The following MTUS2 variants were observed in gnomAD, a reference collection of about 807,000 sequenced individuals.
The protein encoded by MTUS2 is microtubule-associated tumor suppressor candidate 2.
In MTUS2, 40 loss-of-function variants were observed where a neutral mutation model predicts 114.1. The observed-to-expected ratio is 0.35, with a 90% CI of 0.27 to 0.46. The LOEUF (loss-of-function observed/expected upper bound fraction) is 0.46, where lower values mean the gene tolerates loss of function less well. Among genes scored for constraint, MTUS2 ranks in the 20% least tolerant of loss-of-function variants. The pLI is 1.00. For synonymous variants in MTUS2, 688 were observed against 672.0 expected (o/e 1.02, Z -0.37); for missense variants, 1,679 against 1,705.4 (o/e 0.98, Z 0.27).
chr13:29,469,003 T>C (rs1880079888), intron 9 of MTUS2, among the ~76,000 whole-genome samples: 1 of 152,164 alleles, frequency 6.6e-6, no homozygotes, highest in South Asian at 2.1e-4. Context: ...GTGGATGTAA[T>C]AGATACCCCT....
intron 11 of MTUS2, among the ~76,000 whole-genome samples, 195 bp from the exon 12 acceptor site, chr13:29,492,451 T>A (rs990265753): frequency 6.6e-6 from 1 of 152,026 alleles, no homozygotes; most frequent in Non-Finnish European, 1.5e-5. Flanking sequence ...GTCCCTTCTT[T>A]CTTTCTCTCT....
intron 5 of MTUS2, among the ~76,000 whole-genome samples, chr13:29,260,014 T>A (rs1471005452): frequency 6.6e-6 from 1 of 152,280 alleles, no homozygotes; most frequent in Non-Finnish European, 1.5e-5. Flanking sequence ...GACCACACTC[T>A]GCTTTCATCA....
chr13:28,980,844 G>A (rs1884326906), intron 2 of MTUS2, among the ~76,000 whole-genome samples: 3 of 152,188 alleles, frequency 2.0e-5, no homozygotes, highest in African/African-American at 7.2e-5. Context: ...CTATTTTCCT[G>A]TGGCAAGCAT....
At chr13:29,035,178 A>C (rs1368975200) in intron 4 of MTUS2, among the ~76,000 whole-genome samples, 1 of 151,902 alleles carries the variant, frequency 6.6e-6, no homozygotes, top group Admixed American at 6.6e-5. Context: ...CCTCCATCCT[A>C]CTCCTTCAGG....
At chr13:29,472,985 A>G (rs188563405) in intron 9 of MTUS2, among the ~76,000 whole-genome samples, 143 of 152,262 alleles carry the variant, frequency 9.4e-4, no homozygotes, top group African/African-American at 3.1e-3. Flanking sequence ...TGTCTTTTCA[A>G]TTACTCCCAA....
At chr13:28,996,427 A>T (rs1372480335) in intron 2 of MTUS2, among the ~76,000 whole-genome samples, 1 of 152,172 alleles carries the variant, frequency 6.6e-6, no homozygotes, top group Non-Finnish European at 1.5e-5. Context: ...TGAGTTAGGG[A>T]GGATTCCCTC....
At chr13:28,905,230 A>G (rs1266599099) in intron 2 of MTUS2, among the ~76,000 whole-genome samples, 3 of 151,474 alleles carry the variant, frequency 2.0e-5, no homozygotes, top group East Asian at 1.9e-4. Flanking sequence ...TCTTTTCCTA[A>G]TTGAATGCCC....
At chr13:28,909,121 C>A (rs570997768) in intron 2 of MTUS2, among the ~76,000 whole-genome samples, 1 of 151,278 alleles carries the variant, frequency 6.6e-6, no homozygotes, top group East Asian at 1.9e-4. Context: ...AGTCAGGTAG[C>A]GTGATGCCTC....
intron 5 of MTUS2, among the ~76,000 whole-genome samples, chr13:29,172,084 G>A (rs1034526139): frequency 2.0e-5 from 3 of 152,302 alleles, no homozygotes; most frequent in Admixed American, 6.5e-5. Context: ...AGCTGTCTCC[G>A]CTGTGAAGCT....
chr13:29,274,273 G>A (rs1362626485), intron 5 of MTUS2, among the ~76,000 whole-genome samples: 7 of 151,976 alleles, frequency 4.6e-5, no homozygotes, highest in Non-Finnish European at 8.8e-5. Flanking sequence ...GCCACAACTG[G>A]CTAATTTTTT....
At chr13:28,932,496 A>AAGAGG (rs943506853) in intron 2 of MTUS2, among the ~76,000 whole-genome samples, 68 of 152,274 alleles carry the variant, frequency 4.5e-4, no homozygotes, top group African/African-American at 1.6e-3. Flanking sequence ...AATGTGATGT[A>AAGAGG]AGAGGAGGCT....
intron 5 of MTUS2, among the ~76,000 whole-genome samples, chr13:29,150,391 A>G (rs1426683595): frequency 1.3e-5 from 2 of 152,012 alleles, no homozygotes; most frequent in Non-Finnish European, 2.9e-5. Flanking sequence ...TTACCTTTTA[A>G]TGAAGTTATT....
intron 5 of MTUS2, among the ~76,000 whole-genome samples, chr13:29,231,645 TC>T (rs1483613163): frequency 6.6e-6 from 1 of 152,218 alleles, no homozygotes; most frequent in African/African-American, 2.4e-5. Context: ...CTAAAAGGCT[TC>T]ATGTTCAGCA....
At chr13:29,046,489 T>G (rs1412468645) in intron 4 of MTUS2, among the ~76,000 whole-genome samples, 2 of 152,234 alleles carry the variant, frequency 1.3e-5, no homozygotes, top group Non-Finnish European at 2.9e-5. Flanking sequence ...TGATTACTCC[T>G]TTCTTTCTGA....
chr13:29,101,212 C>T (rs991435427), intron 5 of MTUS2, among the ~76,000 whole-genome samples: 2 of 151,802 alleles, frequency 1.3e-5, no homozygotes, highest in African/African-American at 2.4e-5. Flanking sequence ...AATGACTTAT[C>T]CAGAGACAGA....
rs139690610 is a variant in MTUS2, at chr13:28,822,175, G to C, written c.-316+1564G>C. ...AGAAAGAAACCTGGCCTCTGAGTCA[G>C]TGTTTTCTGTCTCCCTTATGTAATC... On this transcript the variant is annotated intron_variant, in intron 1 of 15. Coordinates refer to ENST00000612955, the MANE Select transcript of MTUS2 (RefSeq NM_001033602.4). Among the ~76,000 whole-genome samples the C allele has an allele frequency of 2.2e-3, 334 of 152,304 alleles. 2 individuals carry two copies. The highest frequency in any genetic ancestry group is 7.8e-3 in the African/African-American group (326 of 41,564).
At chr13:29,340,620 C>G (rs1339204626) in intron 7 of MTUS2, among the ~76,000 whole-genome samples, 1 of 152,124 alleles carries the variant, frequency 6.6e-6, no homozygotes, top group Non-Finnish European at 1.5e-5. Context: ...TCTCTGAACA[C>G]TAATGTCATC....
At chr13:29,112,894 C>A (rs1890936448) in intron 5 of MTUS2, among the ~76,000 whole-genome samples, 1 of 152,062 alleles carries the variant, frequency 6.6e-6, no homozygotes, top group South Asian at 2.1e-4. Context: ...AGAGAGTAAC[C>A]ATGATGGAAT....
At chr13:29,135,407 C>A (rs575576988) in intron 5 of MTUS2, among the ~76,000 whole-genome samples, 1 of 152,248 alleles carries the variant, frequency 6.6e-6, no homozygotes, top group East Asian at 1.9e-4. Context: ...CACTTTCAAC[C>A]TATTTGTGTC....
Sources: allele counts gnomAD v4.1 joint callset (sites outside exome capture counted in the v4.1 genomes callset), GRCh38; gene constraint gnomAD v4.1.1; transcripts MANE v1.5; gene names NCBI Gene and HGNC (gene_info 2026-07-23, HGNC 2026-07-21).